UHRF1: variants seen among roughly 807,000 people sequenced by gnomAD.
UHRF1 encodes E3 ubiquitin-protein ligase UHRF1.
UHRF1 carries 9 observed loss-of-function variants against 96.5 expected under a neutral mutation model. The ratio of observed to expected loss-of-function variants is 0.09; its 90% CI spans 0.06 to 0.16. UHRF1 has a LOEUF of 0.16. UHRF1 is among the 10% of genes least tolerant of loss of function. The pLI, the probability that UHRF1 is intolerant of heterozygous loss-of-function variation, is 1.00. For missense variants in UHRF1, 626 were observed against 1,131.1 expected, an observed-to-expected ratio of 0.55 and a Z score of 6.40; for synonymous variants, 455 against 469.9, an observed-to-expected ratio of 0.97 and a Z score of 0.41.
chr19:4,920,547 A>G (rs1456203675), intron 2 of UHRF1, among the ~76,000 whole-genome samples: 2 of 152,024 alleles, frequency 1.3e-5, no homozygotes, highest in Non-Finnish European at 2.9e-5. Context: ...CCTCTACCTG[A>G]CTGGATTGTT....
chr19:4,915,636 G>A (rs1337154826), intron 2 of UHRF1, among the ~76,000 whole-genome samples: 1 of 152,104 alleles, frequency 6.6e-6, no homozygotes, highest in African/African-American at 2.4e-5. Context: ...TTGAACCTGG[G>A]AGGTGGGAGG....
intron 2 of UHRF1, among the ~76,000 whole-genome samples, chr19:4,917,865 G>A (rs942029422): frequency 2.0e-5 from 3 of 151,842 alleles, no homozygotes; most frequent in African/African-American, 7.3e-5. Flanking sequence ...GCAGAGACAG[G>A]GTCTTGCCTG....
chr19:4,909,698 G>T, intron 1 of UHRF1, 43 bp downstream of exon 1: 1 of 508,164 alleles, frequency 2.0e-6, no homozygotes, highest in Non-Finnish European at 3.4e-6. Flanking sequence ...CGGGCCGGGC[G>T]CACGGGGCTC....
Position 4,954,596 on chromosome 19 carries a change from T to C in UHRF1, c.1958-54T>C. 6.3e-7 allele frequency: 1 copy of C among 1,595,918 alleles called. No homozygotes were observed. The highest frequency in any genetic ancestry group is 8.5e-7 in the Non-Finnish European group (1 of 1,170,828). ...GTGGACGTGGGAGCCGGTGGCTGTC[T>C]CTCCGGCAGCTCGGGCCACGCGCCC... On this transcript the variant is annotated intron_variant, in intron 14 of 16. Transcript: ENST00000650932. This position sits in a 1 kb window ranked among gnomAD's most constrained non-coding sequence, Gnocchi z 5.9.
In UHRF1 at chr19:4,909,675, C is replaced by A; in HGVS notation, c.-11+20C>A. 1 of 513,542 alleles carries A rather than the reference C, an allele frequency of 1.9e-6. No homozygotes were observed. Among genetic ancestry groups the A allele is most frequent in the South Asian group, 2.5e-5 (1 of 39,902 alleles). 31.8% of individuals were successfully genotyped at this position (513,542 alleles called of 1,614,324 possible). On this transcript the variant is annotated intron_variant, in intron 1 of 16. Transcript: ENST00000650932. ...GGAGAGGTGAGCGGGCGGGCCGGGT[C>A]GGGGTGCCAGCCCGGGCCGGGCGCA...
intron 2 of UHRF1, among the ~76,000 whole-genome samples, chr19:4,926,522 A>C (rs1298694088): frequency 6.6e-6 from 1 of 152,024 alleles, no homozygotes; most frequent in African/African-American, 2.4e-5. Context: ...TACATATTCA[A>C]ACGGGTTTTT....
rs577447215 is a variant in UHRF1 at position 4,909,831 on chromosome 19, G to T, written c.-11+176G>T. ...GGGAATCGTTCCCCGGCACACATCC[G>T]GCTGGAGCCGGGACCAGCGCTGCGT... On this transcript the variant is annotated intron_variant, in intron 1 of 16. Coordinates refer to ENST00000650932, the MANE Select transcript of UHRF1 (RefSeq NM_001048201.3). The T allele has an allele frequency of 1.5e-5, 6 of 409,358 alleles. No homozygotes were observed. In the East Asian group the frequency reaches 1.5e-4, roughly 10 times the overall value. 25.4% of individuals were successfully genotyped at this position (409,358 alleles called of 1,614,324 possible). A position where few individuals can be genotyped will look rare whatever the true frequency, so the allele number is the denominator to read the frequency against.
At chr19:4,917,070 T>TCGGGG (rs1465584635) in intron 2 of UHRF1, among the ~76,000 whole-genome samples, 1 of 69,572 alleles carries the variant, frequency 1.4e-5, no homozygotes, top group African/African-American at 5.3e-5. Flanking sequence ...GGCAGCTCGG[T>TCGGGG]GGGGGGGGGG....
intron 13 of UHRF1, among the ~76,000 whole-genome samples, chr19:4,951,848 G>A (rs2033726771): frequency 6.6e-6 from 1 of 152,114 alleles, no homozygotes; most frequent in African/African-American, 2.4e-5. Flanking sequence ...AACAAGCGGC[G>A]CAGCATTTCA....
chr19:4,904,089 G>A (rs1415646946), intron 1 of UHRF1, among the ~76,000 whole-genome samples: 2 of 152,204 alleles, frequency 1.3e-5, no homozygotes, highest in East Asian at 3.9e-4. Context: ...CGATTCTCCT[G>A]CCTCAGCCTC....
intron 5 of UHRF1, 71 bp from the exon 6 acceptor site, chr19:4,941,457 T>C: frequency 1.7e-6 from 2 of 1,204,104 alleles, no homozygotes; most frequent in Non-Finnish European, 2.4e-6. Flanking sequence ...GAACCCGTGG[T>C]GTTCAAGTGC....
At chr19:4,909,690 G>A in intron 1 of UHRF1, 35 bp downstream of exon 1, 1 of 510,424 alleles carries the variant, frequency 2.0e-6, no homozygotes, top group Non-Finnish European at 3.4e-6. Flanking sequence ...TGCCAGCCCG[G>A]GCCGGGCGCA....
rs776084212 is a variant in UHRF1, at chr19:4,930,823, C to G, written c.516C>G (p.Ser172=). ...KAPSRDEPCS[S]TSRPALEEDV... ...CCTCCCGGGACGAGCCCTGCAGCTC[C>G]ACGTCCAGGCCGGCGCTGGAGGAGG... The change falls in exon 4 of 17, where the codon TCC becomes TCG. Residue 172 remains serine (S), a synonymous_variant. Transcript: ENST00000650932. This position sits in a 1 kb window ranked among gnomAD's most constrained non-coding sequence, Gnocchi z 4.4. 6.2e-7 allele frequency: 1 copy of G among 1,613,964 alleles called. No homozygotes were observed. The highest frequency in any genetic ancestry group is 1.3e-5 in the African/African-American group (1 of 75,042).
chr19:4,947,762 A>C (rs1390385661), intron 11 of UHRF1, among the ~76,000 whole-genome samples: 4 of 148,406 alleles, frequency 2.7e-5, no homozygotes, highest in African/African-American at 9.9e-5. Flanking sequence ...CGGCCTCCCA[A>C]TATTGGTATT....
At chr19:4,925,338 C>T (rs891122377) in intron 2 of UHRF1, among the ~76,000 whole-genome samples, 1 of 152,178 alleles carries the variant, frequency 6.6e-6, no homozygotes, top group East Asian at 1.9e-4. Context: ...AAATCCCCTT[C>T]CTGCCTCTGT....
chr19:4,930,655 G>A lies in UHRF1; in HGVS notation c.409-61G>A. On this transcript the variant is annotated intron_variant, in intron 3 of 16. Coordinates refer to ENST00000650932, the MANE Select transcript of UHRF1 (RefSeq NM_001048201.3). This position sits in a 1 kb window ranked among gnomAD's most constrained non-coding sequence, Gnocchi z 4.4. ...AGCATCCCAGTGTCCGAGAACCAAG[G>A]TGGTCTCCCGTCAGTTTTCCTCACC... 6.4e-7 allele frequency: 1 copy of A among 1,567,728 alleles called. No homozygotes were observed. Among genetic ancestry groups the A allele is most frequent in the Non-Finnish European group, 8.7e-7 (1 of 1,151,854 alleles).
At chr19:4,923,970 G>A (rs967879527) in intron 2 of UHRF1, among the ~76,000 whole-genome samples, 1 of 151,162 alleles carries the variant, frequency 6.6e-6, no homozygotes, top group Admixed American at 6.6e-5. Flanking sequence ...GGGGGCACTT[G>A]ACTTCTCTCT....
chr19:4,948,564 C>T (rs142440766), intron 11 of UHRF1, among the ~76,000 whole-genome samples: 32 of 148,116 alleles, frequency 2.2e-4, no homozygotes, highest in African/African-American at 6.5e-4. Flanking sequence ...TTTGAGAGGC[C>T]GAGGTAGGTG....
At chr19:4,947,597 C>T (rs2033607762) in intron 11 of UHRF1, among the ~76,000 whole-genome samples, 2 of 140,530 alleles carry the variant, frequency 1.4e-5, no homozygotes, top group African/African-American at 2.6e-5. Context: ...GCCTCCTGGG[C>T]TCAAGCGATT....
Sources: allele counts gnomAD v4.1 joint callset (sites outside exome capture counted in the v4.1 genomes callset), GRCh38; gene constraint gnomAD v4.1.1; non-coding constraint Gnocchi (gnomAD v3.1); transcripts MANE v1.5; gene names NCBI Gene and HGNC (gene_info 2026-07-23, HGNC 2026-07-21).